NTRK1: variants seen among roughly 807,000 people sequenced by gnomAD.
NTRK1 encodes the protein high affinity nerve growth factor receptor.
A neutral mutation model predicts 86.8 loss-of-function variants in NTRK1; 62 were observed. The ratio of observed to expected loss-of-function variants is 0.71; its 90% confidence interval spans 0.58 to 0.88. NTRK1 has a LOEUF of 0.88. Ranked by LOEUF, NTRK1 falls within the 40% of genes least tolerant of loss-of-function variation. The pLI is 0.00. For missense variants in NTRK1, 967 were observed against 1,078.4 expected, an observed-to-expected ratio of 0.90 and a Z score of 1.45; for synonymous variants, 469 against 456.6, an observed-to-expected ratio of 1.03 and a Z score of -0.35.
intron 1 of NTRK1, among the ~76,000 whole-genome samples, chr1:156,831,180 C>A (rs1654460334): frequency 1.3e-5 from 2 of 152,128 alleles, no homozygotes; most frequent in South Asian, 4.1e-4. Flanking sequence ...TAAGTAGAAT[C>A]CCGTTAAGAA....
At chr1:156,830,825 G>A (rs942475821) in intron 1 of NTRK1, among the ~76,000 whole-genome samples, 1 of 152,196 alleles carries the variant, frequency 6.6e-6, no homozygotes, top group Non-Finnish European at 1.5e-5. Context: ...AAAGTGCTGG[G>A]ATTATAGACG....
intron 1 of NTRK1, among the ~76,000 whole-genome samples, chr1:156,823,587 C>T (rs1270545286): frequency 6.6e-6 from 1 of 152,196 alleles, no homozygotes; most frequent in Middle Eastern, 3.2e-3. Flanking sequence ...CACATCACTG[C>T]TCCCTCAAAA....
rs2102912193 is a variant in NTRK1 at position 156,874,962 on chromosome 1, C to G, written c.1308C>G (p.Leu436=). 1 of 1,614,042 alleles carries G rather than the reference C, an allele frequency of 6.2e-7. No individual in the cohort carries two copies. The highest frequency in any genetic ancestry group is 8.5e-7 in the Non-Finnish European group (1 of 1,179,988). The stretch of plus-strand genomic sequence containing the variant: ...CCTGCCTCTTCCTTTCTACGCTGCT[C>G]CTTGTGCTCAACAAATGTGGACGGA... The part of the protein sequence containing the change: ...VFACLFLSTL[L]LVLNKCGRRN... The change falls in exon 11 of 17, where the codon CTC becomes CTG. Residue 436 remains leucine (L), a synonymous_variant. Coordinates refer to ENST00000524377, the MANE Select transcript of NTRK1 (RefSeq NM_002529.4).
At chr1:156,856,084 C>T (rs1411367886), upstream of NTRK1, among the ~76,000 whole-genome samples, 4 of 152,034 alleles carry the variant, frequency 2.6e-5, no homozygotes, top group South Asian at 2.1e-4. Context: ...GATGGGATTA[C>T]AGGTATCAGC....
chr1:156,853,442 C>T (rs1047609474), intron 2 of NTRK1, among the ~76,000 whole-genome samples: 1 of 152,172 alleles, frequency 6.6e-6, no homozygotes, highest in African/African-American at 2.4e-5. Flanking sequence ...TTGGACTTAG[C>T]CACTGCCCCA....
At chr1:156,833,161 TGTG>T (rs926326823) in intron 1 of NTRK1, among the ~76,000 whole-genome samples, 1 of 152,230 alleles carries the variant, frequency 6.6e-6, no homozygotes, top group Admixed American at 6.5e-5. Flanking sequence ...ATTTATTAGT[TGTG>T]GGACTTTGAG....
At chr1:156,824,841 G>A (rs1441980769) in intron 1 of NTRK1, among the ~76,000 whole-genome samples, 2 of 152,120 alleles carry the variant, frequency 1.3e-5, no homozygotes, top group East Asian at 1.9e-4. Flanking sequence ...TGGGTTACAC[G>A]GCCCAGGAGG....
intron 2 of NTRK1, among the ~76,000 whole-genome samples, chr1:156,848,223 C>T (rs1294050754): frequency 2.0e-5 from 3 of 152,134 alleles, no homozygotes; most frequent in Non-Finnish European, 4.4e-5. Context: ...GACCCTGAGC[C>T]AGTGGTCAGC....
rs1443914586 is a variant in NTRK1 at position 156,868,013 on chromosome 1, G to A, written c.429-91G>A. Reference sequence around the variant, plus strand: ...TGTGTCCTCCCTTTCACCTGTAGACGGTCCTCCCTGCTGCCTAACTGCTCC... The same window carrying A: ...TGTGTCCTCCCTTTCACCTGTAGACAGTCCTCCCTGCTGCCTAACTGCTCC... On this transcript the variant is annotated intron_variant, in intron 4 of 16. Transcript: ENST00000524377. 7.1e-6 allele frequency: 10 copies of A among 1,412,888 alleles called. 1 individual carries two copies. Among genetic ancestry groups the A allele is most frequent in the South Asian group, 2.3e-5 (2 of 86,666 alleles). 87.5% of individuals were successfully genotyped at this position (1,412,888 alleles called of 1,614,324 possible). A position where few individuals can be genotyped will look rare whatever the true frequency, so the allele number is the denominator to read the frequency against.
rs540121930 is a variant in NTRK1 at position 156,862,203 on chromosome 1, T to C, written c.212+1057T>C. 2.0e-5 allele frequency among the ~76,000 whole-genome samples: 3 copies of C among 152,244 alleles called. No homozygotes were observed. In the South Asian group the frequency reaches 6.2e-4, roughly 32 times the overall value. ...AAGTTACTTGAGCAGCTTGCAGTAA[T>C]TGGCACTGAGTTCCTTGGGTATCTC... On this transcript the variant is annotated intron_variant, in intron 1 of 16. Transcript: ENST00000524377.
At chr1:156,878,367 C>T (rs929774713) in intron 14 of NTRK1, among the ~76,000 whole-genome samples, 14 of 152,200 alleles carry the variant, frequency 9.2e-5, no homozygotes, top group African/African-American at 2.7e-4. Flanking sequence ...CATTCCCACC[C>T]GTGGTGCCTG....
At chr1:156,835,054 C>T (rs562635492) in intron 1 of NTRK1, among the ~76,000 whole-genome samples, 37 of 152,246 alleles carry the variant, frequency 2.4e-4, no homozygotes, top group African/African-American at 7.2e-4. Context: ...AGGCAGAGGC[C>T]GACCACACAG....
rs559010415 is a variant in NTRK1, at chr1:156,818,540, G to A, written c.-64+2702G>A. ...ACTCTCATGCCTTTGTGTCCTCATA[G>A]CTTAGCTCCCACTAATAAGTGAGAA... On this transcript the variant is annotated intron_variant, in intron 1 of 16. Transcript: ENST00000392302. Among the ~76,000 whole-genome samples the A allele has an allele frequency of 3.9e-5, 6 of 152,216 alleles. No individual in the cohort carries two copies. The South Asian group carries it at 1.0e-3, about 26-fold the overall frequency.
upstream of NTRK1, chr1:156,860,857 A>C (rs530790678): frequency 1.2e-5 from 17 of 1,376,044 alleles, no homozygotes; most frequent in Admixed American, 3.8e-5. Context: ...CCCAGCGCAC[A>C]TGTCGGGGGA....
At position 156,866,742 on chromosome 1, in the gene NTRK1, C is replaced by T. The variant is rs559873875; in HGVS notation, c.360-168C>T. ...GGACTCAGAAAGTCCCCCCACCCCC[C>T]ACCCCACCATCTACACACACTGCCT... On this transcript the variant is annotated intron_variant, in intron 3 of 16. Transcript: ENST00000524377. Among the ~76,000 whole-genome samples, 4 of 147,764 alleles carry T rather than the reference C, an allele frequency of 2.7e-5. 1 individual carries two copies. Among genetic ancestry groups the T allele is most frequent in the South Asian group, 4.3e-4 (2 of 4,608 alleles).
chr1:156,826,383 C>A (rs1419030320), intron 1 of NTRK1, among the ~76,000 whole-genome samples: 1 of 143,814 alleles, frequency 7.0e-6, no homozygotes, highest in African/African-American at 2.5e-5. Flanking sequence ...TCACTGCAAG[C>A]TCTGCCTCCC....
intron 9 of NTRK1, 71 bp from the exon 10 acceptor site, chr1:156,874,500 C>A (rs2102909534): frequency 6.2e-7 from 1 of 1,611,880 alleles, no homozygotes; most frequent in African/African-American, 1.3e-5. Context: ...CCAGCTGGGG[C>A]CAGGGTTGGG....
At position 156,815,979 on chromosome 1, in the gene NTRK1, A is replaced by G. The variant is rs7546838; in HGVS notation, c.-64+141A>G. The G allele has an allele frequency of 0.64, 1,033,651 of 1,608,350 alleles. 335,119 individuals carry two copies. Among genetic ancestry groups the G allele is most frequent in the East Asian group, 0.82 (36,542 of 44,738 alleles). ...GTGGGAGAGATGAGGGAGCTGCACCACGCTGCCGCCCCAGGTTTCCACTCA... is the reference window on the plus strand; with the variant it reads ...GTGGGAGAGATGAGGGAGCTGCACCGCGCTGCCGCCCCAGGTTTCCACTCA... On this transcript the variant is annotated intron_variant, in intron 1 of 16. Transcript: ENST00000392302.
At chr1:156,869,808 A>C (rs532314511) in intron 6 of NTRK1, among the ~76,000 whole-genome samples, 1 of 152,316 alleles carries the variant, frequency 6.6e-6, no homozygotes, top group Non-Finnish European at 1.5e-5. Context: ...GGCCTTGTTG[A>C]CGAGGTCAAC....
Sources: gnomAD v4.1 joint callset for allele counts (sites outside exome capture counted in the v4.1 genomes callset) on GRCh38, gnomAD v4.1.1 for gene constraint, MANE v1.5 for transcripts, NCBI Gene and HGNC (gene_info 2026-07-23, HGNC 2026-07-21) for gene names.